OVCH2: variants seen among roughly 807,000 people sequenced by gnomAD.
OVCH2 encodes ovochymase-2.
Under a neutral mutation model 73.7 loss-of-function variants are expected in OVCH2, and 88 were observed. The ratio of observed to expected loss-of-function variants is 1.19; its 90% CI spans 1.01 to 1.43. OVCH2 has a LOEUF of 1.43. Among genes scored for constraint, OVCH2 ranks in the 40% most tolerant of loss-of-function variants. The pLI, the probability that OVCH2 is intolerant of heterozygous loss-of-function variation, is 0.00. For synonymous variants in OVCH2, 265 were observed against 234.5 expected (o/e 1.13, Z -1.19); for missense variants, 706 against 674.5 (o/e 1.05, Z -0.52).
Position 7,704,555 on chromosome 11 carries a change from T to G in OVCH2, c.198+10A>C, listed in dbSNP as rs1856498387. The G allele has an allele frequency of 1.8e-4, 275 of 1,566,730 alleles. No individual in the cohort carries two copies. Among genetic ancestry groups the G allele is most frequent in the Non-Finnish European group, 2.2e-4 (251 of 1,139,312 alleles). On this transcript the variant is annotated intron_variant, in intron 2 of 15. Transcript: ENST00000533663. ...ACAGTTCTTGATGCATAGAAGTCCT[T>G]GAGACTCACCTGCCAGGGATAGGAA...
intron 13 of OVCH2, 90 bp downstream of exon 13, chr11:7,691,812 G>C: frequency 1.0e-6 from 1 of 975,570 alleles, no homozygotes; most frequent in Non-Finnish European, 1.5e-6. Flanking sequence ...CAGGAAGATG[G>C]AGGAAGATTG....
intron 2 of OVCH2, 46 bp downstream of exon 2, chr11:7,704,519 T>G: frequency 1.5e-6 from 2 of 1,315,042 alleles, no homozygotes; most frequent in Non-Finnish European, 2.1e-6. Context: ...TCTATATCCA[T>G]AATATCTAGC....
At chr11:7,680,840 G>A in the OVCH2 span, among the ~76,000 whole-genome samples, 1 of 152,194 alleles carries the variant, frequency 6.6e-6, no homozygotes, top group Admixed American at 6.5e-5. Context: ...GATTGTTTTT[G>A]TCTCAGAGGG....
intron 11 of OVCH2, 66 bp downstream of exon 11, chr11:7,695,503 AT>A (rs1393238260): frequency 6.8e-7 from 1 of 1,469,844 alleles, no homozygotes; most frequent in East Asian, 2.3e-5. Context: ...CACTCACCTA[AT>A]TCCTATGGGG....
the OVCH2 span, among the ~76,000 whole-genome samples, chr11:7,680,202 G>T: frequency 6.6e-6 from 1 of 152,210 alleles, no homozygotes; most frequent in Non-Finnish European, 1.5e-5. Flanking sequence ...GTGGGTGGCA[G>T]TCTTAGGGAC....
chr11:7,704,337 T>C (rs1856495251), intron 2 of OVCH2, among the ~76,000 whole-genome samples: 1 of 152,182 alleles, frequency 6.6e-6, no homozygotes, highest in Admixed American at 6.5e-5. Context: ...CAATATACTT[T>C]CTAATTTTTG....
intron 7 of OVCH2, 80 bp from the exon 8 acceptor site, chr11:7,698,853 G>A (rs374377937): frequency 6.0e-5 from 87 of 1,450,042 alleles, no homozygotes; most frequent in Non-Finnish European, 7.2e-5. Flanking sequence ...TCTTCTTGGC[G>A]CACAAGAGAT....
intron 9 of OVCH2, 38 bp from the exon 10 acceptor site, chr11:7,696,627 A>C: frequency 6.2e-7 from 1 of 1,613,992 alleles, no homozygotes; most frequent in East Asian, 2.2e-5. Context: ...ATTTCTAGAC[A>C]GAAAACGACT....
rs768546353 is a variant in OVCH2 at position 7,701,803 on chromosome 11, C to G, written c.472G>C (p.Val158Leu). 2.5e-6 allele frequency: 4 copies of G among 1,610,350 alleles called. No homozygotes were observed. The highest frequency in any genetic ancestry group is 2.2e-5 in the South Asian group (2 of 89,988). ...MAGAFQFGHF[V>L]GPICLPELRE... ...AGCTCTGGAAGACATATGGGCCCCACAAAGTGGCCTGAAGAAAAGAGCAAG... is the reference window on the plus strand; with the variant it reads ...AGCTCTGGAAGACATATGGGCCCCAGAAAGTGGCCTGAAGAAAAGAGCAAG... Residue 158 changes from valine to leucine, a missense_variant, in exon 5 of 16, where the codon GTG (valine) becomes CTG (leucine). By Grantham distance (32) the Val-to-Leu change is conservative. Coordinates refer to ENST00000533663, the MANE Select transcript of OVCH2 (RefSeq NM_198185.7).
At chr11:7,694,544 C>G (rs1035175663) in intron 12 of OVCH2, among the ~76,000 whole-genome samples, 3 of 152,124 alleles carry the variant, frequency 2.0e-5, no homozygotes, top group African/African-American at 7.2e-5. Flanking sequence ...GTTTTGTGAG[C>G]AGTTTAATAA....
At chr11:7,702,019 G>A (rs1369158769) in intron 4 of OVCH2, 138 bp downstream of exon 4, 1 of 883,442 alleles carries the variant, frequency 1.1e-6, no homozygotes, top group South Asian at 1.7e-5. Flanking sequence ...AGCAAAAAGA[G>A]TTTCAGGTAG....
chr11:7,688,129 C>T (rs547723212), downstream of OVCH2, among the ~76,000 whole-genome samples: 26 of 152,134 alleles, frequency 1.7e-4, no homozygotes, highest in African/African-American at 6.3e-4. Flanking sequence ...TTCTCCTCCT[C>T]CCCTTATGCC....
At chr11:7,706,101 A>G (rs540456923) in intron 1 of OVCH2, 6 of 506,288 alleles carry the variant, frequency 1.2e-5, no homozygotes, top group Non-Finnish European at 2.1e-5. Flanking sequence ...AATTGGATAC[A>G]TTAGTTGCAT....
At chr11:7,694,736 C>T (rs1223316444) in intron 12 of OVCH2, among the ~76,000 whole-genome samples, 1 of 151,204 alleles carries the variant, frequency 6.6e-6, no homozygotes, top group Non-Finnish European at 1.5e-5. Context: ...TCCAGCCTCC[C>T]GAGTAGCTGG....
chr11:7,695,546 G>A, intron 11 of OVCH2, 24 bp downstream of exon 11: 3 of 1,594,604 alleles, frequency 1.9e-6, no homozygotes, highest in Non-Finnish European at 2.6e-6. Context: ...GAGATAGTAT[G>A]TGATTAAAAG....
chr11:7,696,577 C>T lies in OVCH2; in HGVS notation c.1029G>A (p.Trp343Ter). Residue 343 changes from tryptophan (W) to a stop codon, truncating the protein, a stop_gained, in exon 10 of 16, where the codon TGG becomes TGA. Transcript: ENST00000533663. LOFTEE classifies it high-confidence loss of function. The stretch of plus-strand genomic sequence containing the variant: ...GCATTTCCTCTGGTACCAGCAGGGT[C>T]CAGACACACCGTCTGTAGGCAGATC... The part of the protein sequence containing the change: ...LYYESKQRCV[W>*]TLLVPEEMHV... 1 of 1,613,996 alleles carries T rather than the reference C, an allele frequency of 6.2e-7. No individual in the cohort carries two copies. The highest frequency in any genetic ancestry group is 8.5e-7 in the Non-Finnish European group (1 of 1,179,902).
rs1392101057 is a variant in OVCH2 at position 7,706,425 on chromosome 11, TAG to T, written c.-33_-32del. On this transcript the variant is annotated 5_prime_UTR_variant, in exon 1 of 16. Transcript: ENST00000533663. ...GACTCATAGTTTTTCCCTGAAATTT[TAG>T]AGAGACTAAAGCAAACAAAAATAGG... 13 of 1,546,770 alleles carry T rather than the reference TAG, an allele frequency of 8.4e-6. No individual in the cohort carries two copies. In the African/African-American group the frequency reaches 1.5e-4, roughly 18 times the overall value.
At position 7,706,380 on chromosome 11, in the gene OVCH2, C is replaced by A. The variant is rs549397369; in HGVS notation, c.15G>T (p.Arg5Ser). MLIS[R>S]NKLILLLGIV... The stretch of plus-strand genomic sequence containing the variant: ...TTCCTAGTAGTAAAATCAGCTTGTT[C>A]CTGCTTATAAGCATTTTGAGACTCA... The change falls in exon 1 of 16, where the codon AGG becomes AGT. Residue 5 changes from arginine to serine, a missense_variant. Physicochemically the swap from Arg to Ser is moderately radical, Grantham distance 110. Transcript: ENST00000533663. The A allele has an allele frequency of 4.4e-6, 7 of 1,576,672 alleles. No individual in the cohort carries two copies. Among genetic ancestry groups the A allele is most frequent in the Non-Finnish European group, 6.0e-6 (7 of 1,158,996 alleles).
chr11:7,692,369 C>T (rs1856238888), intron 12 of OVCH2, among the ~76,000 whole-genome samples: 1 of 152,170 alleles, frequency 6.6e-6, no homozygotes, highest in African/African-American at 2.4e-5. Flanking sequence ...TAGTGTTGTT[C>T]ACCTGGTTCC....
Sources: allele counts gnomAD v4.1 joint callset (sites outside exome capture counted in the v4.1 genomes callset), GRCh38; gene constraint gnomAD v4.1.1; transcripts MANE v1.5; gene names NCBI Gene and HGNC (gene_info 2026-07-23, HGNC 2026-07-21).